Variants in DNAH9 observed in about 807,000 individuals in gnomAD.
The protein encoded by DNAH9 is DNAH9 variant protein.
A neutral mutation model predicts 471.6 loss-of-function variants in DNAH9; 345 were observed. The ratio of observed to expected loss-of-function variants is 0.73; its 90% CI spans 0.67 to 0.80. DNAH9 has a LOEUF of 0.80. Ranked by LOEUF, DNAH9 falls within the 30% of genes least tolerant of loss-of-function variation. The pLI is 0.00. For missense variants in DNAH9, 5,407 were observed against 5,609.2 expected, an observed-to-expected ratio of 0.96 and a Z score of 1.15; for synonymous variants, 2,093 against 2,123.6, an observed-to-expected ratio of 0.99 and a Z score of 0.40.
rs1972179494 is a variant in DNAH9, at chr17:11,869,394, T to C, written c.10053+141T>C. 3.2e-6 allele frequency: 4 copies of C among 1,245,288 alleles called. No homozygotes were observed. The South Asian group carries it at 6.5e-5, about 20-fold the overall frequency. The allele number at this position is 1,245,288 out of a possible 1,614,324, so 77.1% of individuals were successfully genotyped here. On this transcript the variant is annotated intron_variant, in intron 51 of 68. Coordinates refer to ENST00000262442, the MANE Select transcript of DNAH9 (RefSeq NM_001372.4). ...TTAAAATGTGCTGAAATGCAGGAAT[T>C]GAGTCCTGAGGAAAATGTGGATGCA... is the stretch of plus-strand genomic sequence containing the variant.
chr17:11,868,099 T>C (rs1264710901), intron 50 of DNAH9, among the ~76,000 whole-genome samples: 1 of 152,204 alleles, frequency 6.6e-6, no homozygotes, highest in East Asian at 1.9e-4. Context: ...TCTGTTGGAC[T>C]CCCTCACCCT....
At chr17:11,822,732 G>A in intron 47 of DNAH9, 69 bp from the exon 48 acceptor site, 1 of 1,591,692 alleles carries the variant, frequency 6.3e-7, no homozygotes, top group Non-Finnish European at 8.6e-7. Context: ...TGGCTGGGGT[G>A]AGGGGTGAGC....
chr17:11,946,562 G>T (rs1305831061), intron 67 of DNAH9, among the ~76,000 whole-genome samples: 1 of 151,150 alleles, frequency 6.6e-6, no homozygotes, highest in Non-Finnish European at 1.5e-5. Flanking sequence ...CACTCGGGAG[G>T]CTGAGGCAGG....
rs1485552340 is a variant in DNAH9 at position 11,632,645 on chromosome 17, T to C, written c.1577T>C (p.Leu526Ser). The C allele has an allele frequency of 6.2e-7, 1 of 1,612,464 alleles. No individual in the cohort carries two copies. The highest frequency in any genetic ancestry group is 8.5e-7 in the Non-Finnish European group (1 of 1,178,534). The change falls in exon 8 of 69, where the codon TTG becomes TCG. Residue 526 changes from leucine to serine, a missense_variant. Leu to Ser is a moderately radical substitution (Grantham distance 145). This residue lies in a region of DNAH9 where 767 missense variants were observed against 692.5 expected (regional missense o/e 1.11). Transcript: ENST00000262442. ...NQKVEDLDRR[L>S]GTIFIQAFDD... ...AAAGTAGAAGATCTTGACCGAAGATTGGGGACTATCTTTATTCAAGCTTTT... is the reference window on the plus strand; with the variant it reads ...AAAGTAGAAGATCTTGACCGAAGATCGGGGACTATCTTTATTCAAGCTTTT...
rs765344007 is a variant in DNAH9 at position 11,701,189 on chromosome 17, G to A, written c.5093G>A (p.Gly1698Asp). 2 of 1,614,094 alleles carry A rather than the reference G, an allele frequency of 1.2e-6. No homozygotes were observed. The highest frequency in any genetic ancestry group is 1.7e-6 in the Non-Finnish European group (2 of 1,179,988). Reference sequence around the variant, plus strand: ...ACTGTGAGGCATGAGATGACAGAAGGTGTAACTGCCTATGAAGAAAAGCCG... The same window carrying A: ...ACTGTGAGGCATGAGATGACAGAAGATGTAACTGCCTATGAAGAAAAGCCG... ...KATVRHEMTE[G>D]VTAYEEKPRE... The change falls in exon 24 of 69, where the codon GGT (glycine) becomes GAT (aspartate). Residue 1698 changes from glycine to aspartate, a missense_variant. Physicochemically the swap from Gly to Asp is moderately conservative, Grantham distance 94 (BLOSUM62 -1). Coordinates refer to ENST00000262442, the MANE Select transcript of DNAH9 (RefSeq NM_001372.4).
At chr17:11,610,875 C>T (rs1156742772) in intron 3 of DNAH9, among the ~76,000 whole-genome samples, 2 of 152,262 alleles carry the variant, frequency 1.3e-5, no homozygotes, top group East Asian at 1.9e-4. Context: ...AACTTATCTG[C>T]TCCCTTCTCC....
chr17:11,844,656 C>T (rs1340684831), intron 49 of DNAH9, among the ~76,000 whole-genome samples: 2 of 152,178 alleles, frequency 1.3e-5, no homozygotes, highest in Admixed American at 6.5e-5. Flanking sequence ...CCACCTGCCT[C>T]AGCCTCCCAA....
intron 32 of DNAH9, among the ~76,000 whole-genome samples, chr17:11,749,713 C>T (rs981586258): frequency 3.9e-5 from 6 of 151,956 alleles, no homozygotes; most frequent in South Asian, 2.1e-4. Flanking sequence ...TGATTGTAAC[C>T]GTACCATTTA....
Position 11,623,212 on chromosome 17 carries a change from G to T in DNAH9, c.1350+3431G>T, listed in dbSNP as rs2150662520. On this transcript the variant is annotated intron_variant, in intron 6 of 68. Transcript: ENST00000262442. This position sits in a 1 kb window ranked among gnomAD's most constrained non-coding sequence, Gnocchi z 4.1. ...TGGTCTTGAACTCCCAACCTCAGGA[G>T]ATCCACCCAGCTTGGCCTCCCAAAG... Among the ~76,000 whole-genome samples the T allele has an allele frequency of 6.6e-6, 1 of 152,152 alleles. No homozygotes were observed. The highest frequency in any genetic ancestry group is 2.1e-4 in the South Asian group (1 of 4,812).
In DNAH9 at chr17:11,823,118, A is replaced by G. The variant is rs74395593; in HGVS notation, c.9246+84A>G. 0.12 allele frequency: 141,309 copies of G among 1,159,368 alleles called. 9,516 individuals are homozygous for G. Among genetic ancestry groups the G allele is most frequent in the Non-Finnish European group, 0.13 (111,147 of 831,466 alleles). The allele number at this position is 1,159,368 out of a possible 1,614,324, so 71.8% of individuals were successfully genotyped here. On this transcript the variant is annotated intron_variant, in intron 48 of 68. Coordinates refer to ENST00000262442, the MANE Select transcript of DNAH9 (RefSeq NM_001372.4). ...TTTCCAGTGAACTGGAGGGATCACAATCAAGATCTGAAAAATATGTACGGT... is the reference window on the plus strand; with the variant it reads ...TTTCCAGTGAACTGGAGGGATCACAGTCAAGATCTGAAAAATATGTACGGT...
chr17:11,621,451 A>G (rs2072861276), intron 6 of DNAH9, among the ~76,000 whole-genome samples: 1 of 150,218 alleles, frequency 6.7e-6, no homozygotes, highest in African/African-American at 2.4e-5. Flanking sequence ...AGGGACAGGG[A>G]AGGAACAAGA....
chr17:11,891,867 A>T lies in DNAH9; in HGVS notation c.11203A>T (p.Thr3735Ser), dbSNP rs746060790. ...ERVANLIDSI[T>S]FSVYQYTIRG... ...GGTGGCCAACCTAATAGACAGCATA[A>T]CCTTCTCTGTGTACCAGTACACCAT... The change falls in exon 58 of 69, where the codon ACC becomes TCC. Residue 3735 changes from threonine (T) to serine (S), a missense_variant. Thr to Ser is a moderately conservative substitution (Grantham distance 58). Transcript: ENST00000262442. 2.5e-5 allele frequency: 41 copies of T among 1,613,972 alleles called. No individual in the cohort carries two copies. In the African/African-American group the frequency reaches 4.1e-4, roughly 16 times the overall value.
intron 29 of DNAH9, among the ~76,000 whole-genome samples, chr17:11,740,607 G>A (rs1049821614): frequency 2.0e-5 from 3 of 152,124 alleles, no homozygotes; most frequent in Non-Finnish European, 4.4e-5. Context: ...CCCATAGAAG[G>A]AAATTTGGAA....
At chr17:11,686,348 A>G (rs988742563) in intron 19 of DNAH9, among the ~76,000 whole-genome samples, 4 of 152,170 alleles carry the variant, frequency 2.6e-5, no homozygotes, top group Non-Finnish European at 4.4e-5. Flanking sequence ...CTTTCCAGGC[A>G]TTTCTCTTTT....
Position 11,629,403 on chromosome 17 carries a change from A to G in DNAH9, c.1351-14A>G, listed in dbSNP as rs181219739. ...TGAGAATGATTTTAACTTTTTTGTG[A>G]ATTGTCCCCATAGGGTCTTCTGAAG... On this transcript the variant is annotated splice_polypyrimidine_tract_variant and intron_variant, in intron 6 of 68. Transcript: ENST00000262442. 1 of 1,604,342 alleles carries G rather than the reference A, an allele frequency of 6.2e-7. No homozygotes were observed. The highest frequency in any genetic ancestry group is 2.2e-5 in the East Asian group (1 of 44,718).
chr17:11,769,368 G>A, intron 38 of DNAH9, 39 bp downstream of exon 38: 1 of 1,556,334 alleles, frequency 6.4e-7, no homozygotes, highest in Non-Finnish European at 8.7e-7. Context: ...GGGCATCTGG[G>A]TGGCCGTGTC....
intron 27 of DNAH9, among the ~76,000 whole-genome samples, chr17:11,724,142 G>A (rs2150808893): frequency 6.6e-6 from 1 of 152,096 alleles, no homozygotes; most frequent in Admixed American, 6.5e-5. Context: ...TCGAATCAGG[G>A]TAATTAGGAT....
rs779029181 is a variant in DNAH9, at chr17:11,768,562, A to G, written c.7280A>G (p.Lys2427Arg). 1 of 1,614,178 alleles carries G rather than the reference A, an allele frequency of 6.2e-7. No homozygotes were observed. Among genetic ancestry groups the G allele is most frequent in the East Asian group, 2.2e-5 (1 of 44,864 alleles). Residue 2427 changes from lysine to arginine, a missense_variant, in exon 37 of 69, where the codon AAG becomes AGG. Around this residue, in one of 3 missense-constraint regions of DNAH9, gnomAD observed 4,636 missense variants for 4,900.3 expected, o/e 0.95. Coordinates refer to ENST00000262442, the MANE Select transcript of DNAH9 (RefSeq NM_001372.4). ...GACTATTACATCGACCCAGAGACCA[A>G]GAAATTCGAGCCTTGGTCCAAGCTC... is the stretch of plus-strand genomic sequence containing the variant. The part of the protein sequence containing the change: ...IFDYYIDPET[K>R]KFEPWSKLVP...
At chr17:11,796,283 T>C (rs558382824) in intron 42 of DNAH9, among the ~76,000 whole-genome samples, 1 of 152,242 alleles carries the variant, frequency 6.6e-6, no homozygotes, top group Non-Finnish European at 1.5e-5. Context: ...TCCATCCTCA[T>C]GTGTTTTCCT....
Sources: gnomAD v4.1 joint callset for allele counts (sites outside exome capture counted in the v4.1 genomes callset) on GRCh38, gnomAD v4.1.1 for gene constraint, gnomAD v4.1.1 regional missense constraint, Gnocchi (gnomAD v3.1) non-coding constraint, MANE v1.5 for transcripts, NCBI Gene and HGNC (gene_info 2026-07-23, HGNC 2026-07-21) for gene names.